Variants in USP34 observed in about 807,000 individuals in gnomAD.
USP34 encodes the protein ubiquitin specific peptidase 34.
Under a neutral mutation model 460.3 loss-of-function variants are expected in USP34, and 70 were observed. The observed-to-expected ratio is 0.15, with a 90% CI of 0.13 to 0.19. The LOEUF is 0.19. Among genes scored for constraint, USP34 ranks in the 10% least tolerant of loss-of-function variants. The pLI, the probability that USP34 is intolerant of heterozygous loss-of-function variation, is 1.00. For missense variants in USP34, 3,985 were observed against 4,236.2 expected (o/e 0.94, Z 1.65); for synonymous variants, 1,647 against 1,405.3 (o/e 1.17, Z -3.85).
At chr2:61,206,177 C>G in intron 71 of USP34, 53 bp from the exon 72 acceptor site, 1 of 1,448,764 alleles carries the variant, frequency 6.9e-7, no homozygotes, top group Non-Finnish European at 9.7e-7. Flanking sequence ...AACTTCCTCA[C>G]AAATGTTTTC....
At chr2:61,466,907 A>G (rs1383509287) in intron 1 of USP34, among the ~76,000 whole-genome samples, 2 of 152,018 alleles carry the variant, frequency 1.3e-5, no homozygotes, top group African/African-American at 4.8e-5. Context: ...GTGTCAAAAA[A>G]AAAAAAAAAA....
Position 61,395,334 on chromosome 2 carries a change from GATT to G in USP34, c.553-104_553-102del. 6.5e-6 allele frequency: 5 copies of G among 774,958 alleles called. No individual in the cohort carries two copies. The South Asian group carries it at 6.6e-5, about 10-fold the overall frequency. The allele number at this position is 774,958 out of a possible 1,614,324, so 48.0% of individuals were successfully genotyped here. A position where few individuals can be genotyped will look rare whatever the true frequency, so the allele number is the denominator to read the frequency against. Reference sequence around the variant, plus strand: ...TGATTTTATAAAAACCGAATAAACAGATTATTTTGCAATTACTCCTGATAAGCA... The same window carrying G: ...TGATTTTATAAAAACCGAATAAACAGATTTTGCAATTACTCCTGATAAGCA... On this transcript the variant is annotated intron_variant, in intron 3 of 79. Transcript: ENST00000398571.
At chr2:61,408,142 C>T (rs1573011725) in intron 2 of USP34, among the ~76,000 whole-genome samples, 1 of 151,922 alleles carries the variant, frequency 6.6e-6, no homozygotes, top group Non-Finnish European at 1.5e-5. Context: ...ATAAAATAAA[C>T]AACCAGCACT....
chr2:61,455,902 T>C (rs116347317), intron 1 of USP34, among the ~76,000 whole-genome samples: 2,419 of 152,218 alleles, frequency 0.016, 24 homozygotes, highest in Middle Eastern at 0.037. Flanking sequence ...TAAGGGAACT[T>C]AGCCAAAGTC....
At chr2:61,268,438 T>TAAAAAAAA (rs35618230) in intron 41 of USP34, among the ~76,000 whole-genome samples, 2 of 53,376 alleles carry the variant, frequency 3.7e-5, no homozygotes, top group African/African-American at 1.5e-4. Flanking sequence ...GAGCTGTTGT[T>TAAAAAAAA]AAAAAAAAAA....
At chr2:61,309,316 A>T (rs1690514091) in intron 27 of USP34, among the ~76,000 whole-genome samples, 2 of 152,296 alleles carry the variant, frequency 1.3e-5, no homozygotes, top group South Asian at 4.2e-4. Context: ...TACTCCAGAA[A>T]CACACACACA....
At chr2:61,243,210 G>C (rs780383466) in intron 51 of USP34, among the ~76,000 whole-genome samples, 80 of 151,560 alleles carry the variant, frequency 5.3e-4, no homozygotes, top group African/African-American at 1.9e-3. Flanking sequence ...GCAATGGCGC[G>C]ATGTCGGCTC....
chr2:61,307,257 T>A (rs753755107), intron 27 of USP34, among the ~76,000 whole-genome samples: 14 of 139,140 alleles, frequency 1.0e-4, no homozygotes, highest in South Asian at 4.5e-4. Flanking sequence ...TAGGTGGGAA[T>A]TGAACAATGA....
chr2:61,330,761 A>G (rs1425589950), intron 20 of USP34, among the ~76,000 whole-genome samples: 1 of 151,110 alleles, frequency 6.6e-6, no homozygotes, highest in Non-Finnish European at 1.5e-5. Flanking sequence ...TTCTTGTCCC[A>G]AATCACTTGA....
At position 61,349,275 on chromosome 2, in the gene USP34, C is replaced by G; in HGVS notation, c.1518G>C (p.Glu506Asp). ...AAGGTGATGGAGCTGTTCTTCTAAG[C>G]TCTTCTTCCTCTGAAGGAAAAGGAA... The part of the protein sequence containing the change: ...IPIGNKKEEE[E>D]LRRTAPSPWS... Residue 506 changes from glutamate to aspartate, a missense_variant, in exon 13 of 80, where the codon GAG becomes GAC. Glu to Asp is a conservative substitution (Grantham distance 45, BLOSUM62 2). This residue lies in a region of USP34 where 716 missense variants were observed against 626.2 expected (regional missense o/e 1.14). Coordinates refer to ENST00000398571, the MANE Select transcript of USP34 (RefSeq NM_014709.4). The G allele has an allele frequency of 1.2e-6, 2 of 1,613,214 alleles. No individual in the cohort carries two copies. The highest frequency in any genetic ancestry group is 1.7e-6 in the Non-Finnish European group (2 of 1,179,684).
intron 1 of USP34, among the ~76,000 whole-genome samples, chr2:61,465,270 A>C (rs1158612385): frequency 1.3e-5 from 2 of 152,168 alleles, no homozygotes; most frequent in Non-Finnish European, 2.9e-5. Flanking sequence ...ACGGGTCCTC[A>C]ACCTGTAAGC....
At chr2:61,349,137 A>G (rs1691862735) in intron 13 of USP34, 113 bp downstream of exon 13, 5 of 1,335,016 alleles carry the variant, frequency 3.7e-6, no homozygotes, top group Non-Finnish European at 5.1e-6. Flanking sequence ...ACATCTCCTC[A>G]AAATGAACTT....
intron 3 of USP34, among the ~76,000 whole-genome samples, chr2:61,404,264 A>C (rs1279884566): frequency 6.6e-6 from 1 of 152,140 alleles, no homozygotes; most frequent in East Asian, 1.9e-4. Flanking sequence ...GAAAAGAGAC[A>C]GATAAAAAAC....
At chr2:61,354,537 G>C (rs529387094) in intron 10 of USP34, among the ~76,000 whole-genome samples, 5 of 152,282 alleles carry the variant, frequency 3.3e-5, no homozygotes, top group Admixed American at 1.3e-4. Context: ...ATGGGAGAAG[G>C]GGACACAAGA....
intron 27 of USP34, among the ~76,000 whole-genome samples, chr2:61,308,986 G>A (rs549626129): frequency 7.9e-5 from 12 of 152,248 alleles, no homozygotes; most frequent in African/African-American, 2.6e-4. Context: ...AGTAAGCCAA[G>A]ATCCTGCCAC....
At chr2:61,372,246 G>A (rs1434542144) in intron 8 of USP34, among the ~76,000 whole-genome samples, 6 of 151,436 alleles carry the variant, frequency 4.0e-5, no homozygotes. Flanking sequence ...AAACCACTAG[G>A]ACTTACACAT....
chr2:61,466,214 C>G (rs1447251595), intron 1 of USP34, among the ~76,000 whole-genome samples: 2 of 152,024 alleles, frequency 1.3e-5, no homozygotes, highest in Non-Finnish European at 2.9e-5. Flanking sequence ...CACTTGAGTT[C>G]AAGAGTTCAA....
At position 61,188,586 on chromosome 2, in the gene USP34, G is replaced by C. The variant is rs1686521605; in HGVS notation, c.10157C>G (p.Ser3386Cys). ...TREVLTPTSTSDNETRDSSII... is the reference protein window; with the variant it reads ...TREVLTPTSTCDNETRDSSII... ...TGAGGAGTCTCTGGTCTCATTGTCA[G>C]AAGTGCTCGTTGGGGTCAGGACCTC... The change falls in exon 80 of 80, where the codon TCT becomes TGT. Residue 3386 changes from serine (S) to cysteine (C), a missense_variant. By Grantham distance (112) the Ser-to-Cys change is moderately radical. This residue lies in a region of USP34 where 506 missense variants were observed against 439.0 expected (regional missense o/e 1.15). Transcript: ENST00000398571. The C allele has an allele frequency of 1.2e-6, 2 of 1,614,082 alleles. No individual in the cohort carries two copies. The highest frequency in any genetic ancestry group is 2.2e-5 in the East Asian group (1 of 44,898).
At chr2:61,383,507 A>G (rs1572988153) in intron 5 of USP34, among the ~76,000 whole-genome samples, 171 bp from the exon 6 acceptor site, 3 of 152,294 alleles carry the variant, frequency 2.0e-5, no homozygotes, top group African/African-American at 7.2e-5. Flanking sequence ...GTTTGAGATC[A>G]GCCTGGCCAA....
Sources: gnomAD v4.1 joint callset for allele counts (sites outside exome capture counted in the v4.1 genomes callset) on GRCh38, gnomAD v4.1.1 for gene constraint, gnomAD v4.1.1 regional missense constraint, MANE v1.5 for transcripts, NCBI Gene and HGNC (gene_info 2026-07-23, HGNC 2026-07-21) for gene names.